KLHL32: variants seen among roughly 807,000 people sequenced by gnomAD.
The protein encoded by KLHL32 is kelch-like protein 32.
Under a neutral mutation model 64.8 loss-of-function variants are expected in KLHL32, and 35 were observed. That is an observed-to-expected ratio of 0.54 (90% CI 0.41 to 0.72). The LOEUF is 0.72. Among genes scored for constraint, KLHL32 ranks in the 30% least tolerant of loss-of-function variants. The pLI, the probability that KLHL32 is intolerant of heterozygous loss-of-function variation, is 0.00. For missense variants in KLHL32, 589 were observed against 768.5 expected, an observed-to-expected ratio of 0.77 and a Z score of 2.76; for synonymous variants, 259 against 281.0, an observed-to-expected ratio of 0.92 and a Z score of 0.78.
At chr6:97,117,857 A>G (rs1304674490) in intron 7 of KLHL32, among the ~76,000 whole-genome samples, 1 of 152,228 alleles carries the variant, frequency 6.6e-6, no homozygotes, top group African/African-American at 2.4e-5. Context: ...CATTTTCATC[A>G]AATGATAGCA....
rs184471196 is a variant in KLHL32, at chr6:96,925,487, A to G, written c.-66+461A>G. On this transcript the variant is annotated intron_variant, in intron 1 of 10. Transcript: ENST00000369261. Reference sequence around the variant, plus strand: ...GTATGCTTTAAAAAGGATTCGTCAGATGAATTTTTCAACGGATTGTGTCTT... The same window carrying G: ...GTATGCTTTAAAAAGGATTCGTCAGGTGAATTTTTCAACGGATTGTGTCTT... Among the ~76,000 whole-genome samples the G allele has an allele frequency of 4.6e-5, 7 of 152,222 alleles. 1 individual carries two copies. The highest frequency in any genetic ancestry group is 1.7e-4 in the African/African-American group (7 of 41,466).
rs1185578832 is a variant in KLHL32, at chr6:97,012,235, TGATGG to T, written c.205-29256_205-29252del. 7.9e-5 allele frequency among the ~76,000 whole-genome samples: 12 copies of T among 152,280 alleles called. No homozygotes were observed. In the East Asian group the frequency reaches 1.9e-3, roughly 24 times the overall value. ...ATTTCTGGAGCCTGTAATAATGAAG[TGATGG>T]ACCTTGAGGTGGCAATACTATCCTG... is the stretch of plus-strand genomic sequence containing the variant. On this transcript the variant is annotated intron_variant, in intron 3 of 10. Transcript: ENST00000369261.
intron 7 of KLHL32, among the ~76,000 whole-genome samples, chr6:97,122,262 T>C (rs775928184): frequency 2.6e-5 from 4 of 152,224 alleles, no homozygotes; most frequent in Admixed American, 2.0e-4. Context: ...TTAGAGACTT[T>C]GCAGGTTTTG....
rs2127983853 is a variant in KLHL32, at chr6:96,924,875, T to C, written c.-217T>C. The C allele has an allele frequency of 6.6e-6, 1 of 152,514 alleles. No individual in the cohort carries two copies. Among genetic ancestry groups the C allele is most frequent in the African/African-American group, 2.4e-5 (1 of 41,494 alleles). The allele number at this position is 152,514 out of a possible 1,614,324, so 9.4% of individuals were successfully genotyped here. A position where few individuals can be genotyped will look rare whatever the true frequency, so the allele number is the denominator to read the frequency against. On this transcript the variant is annotated 5_prime_UTR_variant, in exon 1 of 11. Transcript: ENST00000369261. The stretch of plus-strand genomic sequence containing the variant: ...AACACGCTAGGACGCTCGTCTTCGC[T>C]ACTGCATCCCCGAACCAGCAGAGCG...
intron 1 of KLHL32, among the ~76,000 whole-genome samples, chr6:96,936,990 C>T (rs1434282097): frequency 6.6e-6 from 1 of 152,062 alleles, no homozygotes; most frequent in Non-Finnish European, 1.5e-5. Flanking sequence ...CTGCCCACCA[C>T]CCCAACCCCT....
chr6:97,029,022 A>G (rs536102834), intron 3 of KLHL32, among the ~76,000 whole-genome samples: 168 of 152,358 alleles, frequency 1.1e-3, no homozygotes, highest in Non-Finnish European at 2.0e-3. Context: ...CAGAAGACAG[A>G]AAGACTGGCA....
intron 3 of KLHL32, among the ~76,000 whole-genome samples, chr6:97,023,533 G>T (rs1782299561): frequency 6.6e-6 from 1 of 152,202 alleles, no homozygotes; most frequent in South Asian, 2.1e-4. Context: ...TTCTACACAT[G>T]ACAGTATGGC....
At chr6:96,967,825 G>A (rs528151673) in intron 2 of KLHL32, among the ~76,000 whole-genome samples, 1 of 152,308 alleles carries the variant, frequency 6.6e-6, no homozygotes, top group South Asian at 2.1e-4. Flanking sequence ...TCCTGAGAAA[G>A]GCTGTATACC....
intron 4 of KLHL32, among the ~76,000 whole-genome samples, chr6:97,044,648 T>C (rs2128130569): frequency 6.6e-6 from 1 of 152,202 alleles, no homozygotes; most frequent in South Asian, 2.1e-4. Flanking sequence ...TTTTCTTTAA[T>C]GGGAGATATT....
At chr6:96,957,284 A>G (rs1221778545) in intron 1 of KLHL32, among the ~76,000 whole-genome samples, 4 of 152,188 alleles carry the variant, frequency 2.6e-5, no homozygotes, top group Non-Finnish European at 4.4e-5. Flanking sequence ...TCTAAATCTC[A>G]TATTTTCTAT....
intron 5 of KLHL32, among the ~76,000 whole-genome samples, chr6:97,082,542 G>C (rs892298611): frequency 6.6e-6 from 1 of 151,868 alleles, no homozygotes; most frequent in Non-Finnish European, 1.5e-5. Flanking sequence ...GAACCCGGGA[G>C]GCGGAGCTTG....
At position 97,128,420 on chromosome 6, in the gene KLHL32, T is replaced by G. The variant is rs902742444; in HGVS notation, c.1413+958T>G. The stretch of plus-strand genomic sequence containing the variant: ...TGCAGTTGCTTGAGTTTGGTGCACA[T>G]GTGGTTAAAGAGGAAGAAGGTGTTA... On this transcript the variant is annotated intron_variant, in intron 8 of 10. Transcript: ENST00000369261. Among the ~76,000 whole-genome samples, 4 of 152,208 alleles carry G rather than the reference T, an allele frequency of 2.6e-5. No individual in the cohort carries two copies. The South Asian group carries it at 8.3e-4, about 32-fold the overall frequency.
intron 4 of KLHL32, among the ~76,000 whole-genome samples, chr6:97,049,694 T>A (rs1451944690): frequency 6.6e-6 from 1 of 152,194 alleles, no homozygotes; most frequent in Non-Finnish European, 1.5e-5. Context: ...CATGGAAAGT[T>A]TGAGAAGTGT....
chr6:97,032,658 TC>T (rs909541579), intron 3 of KLHL32, among the ~76,000 whole-genome samples: 23 of 151,832 alleles, frequency 1.5e-4, no homozygotes, highest in African/African-American at 5.3e-4. Flanking sequence ...CGTCAGCACA[TC>T]AGGGGCAATT....
intron 8 of KLHL32, among the ~76,000 whole-genome samples, chr6:97,130,130 C>A (rs2128221342): frequency 6.6e-6 from 1 of 152,126 alleles, no homozygotes; most frequent in East Asian, 1.9e-4. Context: ...CCTGAGGTAC[C>A]CAATGATTAT....
chr6:97,123,129 A>G (rs1405809704), intron 7 of KLHL32, among the ~76,000 whole-genome samples: 1 of 152,214 alleles, frequency 6.6e-6, no homozygotes, highest in Non-Finnish European at 1.5e-5. Context: ...CGTTAAAAAA[A>G]AAATTAGCAG....
rs75991629 is a variant in KLHL32 at position 97,052,560 on chromosome 6, G to A, written c.312+10961G>A. On this transcript the variant is annotated intron_variant, in intron 4 of 10. Coordinates refer to ENST00000369261, the MANE Select transcript of KLHL32 (RefSeq NM_052904.4). ...CTTTGCACACCCAGCAGGGCATTCCGGCGTGCAGGCTGTAGGTCAGTCCTC... is the reference window on the plus strand; with the variant it reads ...CTTTGCACACCCAGCAGGGCATTCCAGCGTGCAGGCTGTAGGTCAGTCCTC... Among the ~76,000 whole-genome samples the A allele has an allele frequency of 6.3e-3, 953 of 152,226 alleles. 9 individuals are homozygous for A. Among genetic ancestry groups the A allele is most frequent in the African/African-American group, 0.021 (875 of 41,530 alleles).
intron 3 of KLHL32, among the ~76,000 whole-genome samples, chr6:96,980,580 T>C (rs1276744635): frequency 6.6e-6 from 1 of 152,206 alleles, no homozygotes; most frequent in Non-Finnish European, 1.5e-5. Context: ...TTGTTGTGGA[T>C]TTTTACATTT....
In KLHL32 at chr6:97,077,971, A is replaced by C. The variant is rs1791869708; in HGVS notation, c.412-7155A>C. Among the ~76,000 whole-genome samples, 3 of 152,224 alleles carry C rather than the reference A, an allele frequency of 2.0e-5. No individual in the cohort carries two copies. The South Asian group carries it at 6.2e-4, about 32-fold the overall frequency. On this transcript the variant is annotated intron_variant, in intron 5 of 10. Transcript: ENST00000369261. Reference sequence around the variant, plus strand: ...GCATGAATAGCTTAGTGACAAGCTTATGTGTATGTGATAGGAAACTTGAAG... The same window carrying C: ...GCATGAATAGCTTAGTGACAAGCTTCTGTGTATGTGATAGGAAACTTGAAG...
Sources: gnomAD v4.1 joint callset for allele counts (sites outside exome capture counted in the v4.1 genomes callset) on GRCh38, gnomAD v4.1.1 for gene constraint, MANE v1.5 for transcripts, NCBI Gene and HGNC (gene_info 2026-07-23, HGNC 2026-07-21) for gene names.